SUGCT: variants seen among roughly 807,000 people sequenced by gnomAD.
SUGCT encodes the protein succinyl-CoA:glutarate-CoA transferase.
Under a neutral mutation model 55.0 loss-of-function variants are expected in SUGCT, and 41 were observed. That is an observed-to-expected ratio of 0.74 (90% CI 0.58 to 0.97). The LOEUF is 0.97. SUGCT is among the 50% of genes least tolerant of loss of function. The pLI is 0.00. For synonymous variants in SUGCT, 187 were observed against 200.4 expected, an observed-to-expected ratio of 0.93 and a Z score of 0.56; for missense variants, 568 against 547.8, an observed-to-expected ratio of 1.04 and a Z score of -0.37.
intron 12 of SUGCT, among the ~76,000 whole-genome samples, chr7:40,708,128 A>G (rs188626403): frequency 2.6e-5 from 4 of 152,320 alleles, no homozygotes; most frequent in Non-Finnish European, 5.9e-5. Flanking sequence ...CCACAGCACC[A>G]TTTAAAGTGA....
intron 1 of SUGCT, among the ~76,000 whole-genome samples, chr7:40,176,925 A>T (rs568026935): frequency 2.0e-5 from 3 of 149,312 alleles, no homozygotes; most frequent in African/African-American, 7.4e-5. Context: ...GTGAGCCAAG[A>T]TCGCAAGCCT....
At chr7:40,451,566 C>T (rs1434821655) in intron 10 of SUGCT, among the ~76,000 whole-genome samples, 1 of 152,092 alleles carries the variant, frequency 6.6e-6, no homozygotes, top group Non-Finnish European at 1.5e-5. Context: ...GAATGATAAT[C>T]CCTGTTATGA....
intron 12 of SUGCT, among the ~76,000 whole-genome samples, chr7:40,608,417 T>C (rs897231656): frequency 1.3e-5 from 2 of 152,148 alleles, no homozygotes; most frequent in African/African-American, 2.4e-5. Context: ...CTGAAATACG[T>C]TGGGGATTAT....
chr7:40,197,433 T>C (rs1414953853), intron 6 of SUGCT, among the ~76,000 whole-genome samples: 1 of 152,146 alleles, frequency 6.6e-6, no homozygotes, highest in Non-Finnish European at 1.5e-5. Context: ...TATATGACAA[T>C]AAGCATTTAT....
chr7:40,955,925 TTA>T, the SUGCT span, among the ~76,000 whole-genome samples: 1 of 152,184 alleles, frequency 6.6e-6, no homozygotes, highest in Non-Finnish European at 1.5e-5. Flanking sequence ...ATGTGATGGA[TTA>T]TGTTTATTGA....
chr7:40,554,875 T>C (rs1434484424), intron 12 of SUGCT, among the ~76,000 whole-genome samples: 1 of 152,210 alleles, frequency 6.6e-6, no homozygotes, highest in Non-Finnish European at 1.5e-5. Context: ...CTCTGCCTAA[T>C]GGTTCCTCAT....
chr7:40,476,148 A>G (rs1288268678), intron 11 of SUGCT, among the ~76,000 whole-genome samples: 3 of 152,162 alleles, frequency 2.0e-5, no homozygotes, highest in Admixed American at 6.5e-5. Flanking sequence ...TACTTATGTT[A>G]TAGGAATTAA....
chr7:40,242,722 G>T (rs1254507871), intron 7 of SUGCT, among the ~76,000 whole-genome samples: 1 of 151,234 alleles, frequency 6.6e-6, no homozygotes, highest in Non-Finnish European at 1.5e-5. Flanking sequence ...AGAGTTTGGG[G>T]TTCTGGCTCT....
chr7:40,902,213 T>C, the SUGCT span, among the ~76,000 whole-genome samples: 1 of 152,142 alleles, frequency 6.6e-6, no homozygotes, highest in Non-Finnish European at 1.5e-5. Flanking sequence ...AACTTGTGAC[T>C]ACACAAACAA....
chr7:40,196,011 G>A (rs1011851133), intron 6 of SUGCT, among the ~76,000 whole-genome samples: 1 of 152,094 alleles, frequency 6.6e-6, no homozygotes, highest in Non-Finnish European at 1.5e-5. Context: ...ATCACTCCTG[G>A]CCTACAGTTG....
intron 13 of SUGCT, among the ~76,000 whole-genome samples, chr7:40,814,113 T>C (rs1315930583): frequency 6.6e-6 from 1 of 152,160 alleles, no homozygotes; most frequent in African/African-American, 2.4e-5. Context: ...CCTTTGTAAG[T>C]GAGCTGCTTT....
intron 13 of SUGCT, 127 bp from the exon 14 acceptor site, chr7:40,860,189 C>A: frequency 1.8e-6 from 2 of 1,115,574 alleles, no homozygotes; most frequent in Non-Finnish European, 1.3e-6. Context: ...GTTGATGCAT[C>A]TGGAAGGGTG....
At chr7:40,338,568 C>G (rs76584547) in intron 9 of SUGCT, among the ~76,000 whole-genome samples, 8 of 152,148 alleles carry the variant, frequency 5.3e-5, no homozygotes, top group African/African-American at 1.9e-4. Flanking sequence ...CATTCATCAC[C>G]TAGTTCTCGT....
intron 8 of SUGCT, among the ~76,000 whole-genome samples, chr7:40,292,915 C>G (rs1416321228): frequency 1.2e-4 from 18 of 151,860 alleles, no homozygotes; most frequent in Admixed American, 1.2e-3. Flanking sequence ...TCTAACTATC[C>G]CCAAGCTGTT....
At chr7:40,676,863 C>T (rs975190360) in intron 12 of SUGCT, among the ~76,000 whole-genome samples, 2 of 149,236 alleles carry the variant, frequency 1.3e-5, no homozygotes, top group Non-Finnish European at 3.0e-5. Flanking sequence ...GTTATAAAAA[C>T]CAAACATACA....
intron 9 of SUGCT, among the ~76,000 whole-genome samples, chr7:40,368,299 GT>G (rs2151245444): frequency 6.6e-6 from 1 of 152,184 alleles, no homozygotes; most frequent in East Asian, 1.9e-4. Context: ...CCAGGTTCAC[GT>G]GATTCTCCTG....
chr7:40,955,764 GT>G, the SUGCT span, among the ~76,000 whole-genome samples: 1 of 152,142 alleles, frequency 6.6e-6, no homozygotes, highest in Non-Finnish European at 1.5e-5. Context: ...TTGGCTGTGG[GT>G]TTGTCATAAA....
chr7:40,777,258 C>CT (rs994142798), intron 13 of SUGCT, among the ~76,000 whole-genome samples: 5 of 152,068 alleles, frequency 3.3e-5, no homozygotes, highest in East Asian at 1.9e-4. Flanking sequence ...ATCCTACTTG[C>CT]TTTTTTTTCT....
At chr7:40,312,175 G>A (rs974896874) in intron 8 of SUGCT, among the ~76,000 whole-genome samples, 4 of 152,034 alleles carry the variant, frequency 2.6e-5, no homozygotes, top group Non-Finnish European at 5.9e-5. Context: ...GAGTAGCTGG[G>A]ATTGCAGGCA....
Sources: allele counts gnomAD v4.1 joint callset (sites outside exome capture counted in the v4.1 genomes callset), GRCh38; gene constraint gnomAD v4.1.1; transcripts MANE v1.5; gene names NCBI Gene and HGNC (gene_info 2026-07-23, HGNC 2026-07-21).